The following FBXO25 variants were observed in gnomAD, a reference collection of about 807,000 sequenced individuals.
FBXO25 encodes F-box protein 25, also known as F-box only protein 25.
FBXO25 carries 45 observed loss-of-function variants against 51.9 expected under a neutral mutation model. That is an observed-to-expected ratio of 0.87 (90% CI 0.68 to 1.11). The LOEUF (loss-of-function observed/expected upper bound fraction) is 1.11, where lower values mean the gene tolerates loss of function less well. Ranked by LOEUF, FBXO25 falls within the 50% of genes most tolerant of loss-of-function variation. The pLI, the probability that FBXO25 is intolerant of heterozygous loss-of-function variation, is 0.00. For missense variants in FBXO25, 507 were observed against 428.5 expected (o/e 1.18, Z -1.62); for synonymous variants, 199 against 151.0 (o/e 1.32, Z -2.33).
intron 9 of FBXO25, among the ~76,000 whole-genome samples, chr8:465,412 A>G (rs1209082996): frequency 6.6e-6 from 1 of 152,196 alleles, no homozygotes; most frequent in Non-Finnish European, 1.5e-5. Context: ...TGATACTTTT[A>G]TAGGGAAAAT....
chr8:428,675 G>C (rs750322388), intron 2 of FBXO25, among the ~76,000 whole-genome samples: 17 of 152,086 alleles, frequency 1.1e-4, no homozygotes, highest in Non-Finnish European at 2.1e-4. Flanking sequence ...CTGAAACTCT[G>C]TCCCCATTAA....
rs879340184 is a variant in FBXO25, at chr8:413,406, C to CT, written c.134+204dup. Among the ~76,000 whole-genome samples the CT allele has an allele frequency of 9.7e-4, 142 of 146,294 alleles. 1 individual carries two copies. Among genetic ancestry groups the CT allele is most frequent in the African/African-American group, 2.4e-3 (98 of 40,138 alleles). On this transcript the variant is annotated intron_variant, in intron 2 of 9. Coordinates refer to ENST00000350302, the MANE Select transcript of FBXO25 (RefSeq NM_183420.2). The stretch of plus-strand genomic sequence containing the variant: ...AATATTCATACACAGATGCTTTCGT[C>CT]TTTTTTTTTTTAATTTAAAACATTT...
At chr8:415,830 G>A (rs1796764746) in intron 2 of FBXO25, among the ~76,000 whole-genome samples, 1 of 152,198 alleles carries the variant, frequency 6.6e-6, no homozygotes. Flanking sequence ...TACTGAAGAA[G>A]AGTGTCTAAA....
At chr8:460,692 TCA>T (rs1033140337) in intron 8 of FBXO25, among the ~76,000 whole-genome samples, 4 of 152,200 alleles carry the variant, frequency 2.6e-5, no homozygotes, top group African/African-American at 7.2e-5. Flanking sequence ...AACACTGGTG[TCA>T]CACACAGTCA....
chr8:429,023 A>G (rs1797660867), intron 2 of FBXO25, among the ~76,000 whole-genome samples: 1 of 152,158 alleles, frequency 6.6e-6, no homozygotes, highest in Non-Finnish European at 1.5e-5. Context: ...TATCTCTTTC[A>G]TTCTCTGCTT....
At chr8:431,466 T>C in intron 3 of FBXO25, 22 bp downstream of exon 3, 1 of 1,209,760 alleles carries the variant, frequency 8.3e-7, no homozygotes, top group East Asian at 2.5e-5. Flanking sequence ...CTCATTAATT[T>C]TATTTTACTT....
At chr8:456,645 G>C (rs1289557057) in intron 7 of FBXO25, among the ~76,000 whole-genome samples, 6 of 152,306 alleles carry the variant, frequency 3.9e-5, no homozygotes, top group African/African-American at 1.2e-4. Context: ...CACTAGTGCA[G>C]TCCATGAAAG....
rs566408041 is a variant in FBXO25 at position 455,123 on chromosome 8, AG to A, written c.661-3242del. On this transcript the variant is annotated intron_variant, in intron 7 of 9. Transcript: ENST00000350302. ...AGAAGGTATGGGAACTTCCGCATCC[AG>A]GGGCTAATAAAGTGTGTTATGCCAA... is the stretch of plus-strand genomic sequence containing the variant. Among the ~76,000 whole-genome samples the A allele has an allele frequency of 2.0e-3, 298 of 152,284 alleles. 2 individuals carry two copies. Among genetic ancestry groups the A allele is most frequent in the Admixed American group, 4.3e-3 (66 of 15,304 alleles).
At chr8:463,476 G>A (rs140166886) in intron 9 of FBXO25, among the ~76,000 whole-genome samples, 267 of 152,298 alleles carry the variant, frequency 1.8e-3, no homozygotes, top group South Asian at 7.7e-3. Context: ...GTTGAAGGCT[G>A]GAGTGTGACC....
In FBXO25 at chr8:468,947, G is replaced by C. The variant is rs553286404; in HGVS notation, c.*143G>C. ...TGGGAAGAACTGCCCTTCTGCAAAG[G>C]GGGGACTGCATGGTTGCATTTTCAT... is the stretch of plus-strand genomic sequence containing the variant. On this transcript the variant is annotated 3_prime_UTR_variant, in exon 10 of 10. Coordinates refer to ENST00000350302, the MANE Select transcript of FBXO25 (RefSeq NM_183420.2). The C allele has an allele frequency of 1.3e-3, 907 of 680,728 alleles. 10 individuals are homozygous for C. Among genetic ancestry groups the C allele is most frequent in the South Asian group, 6.4e-3 (317 of 49,686 alleles). The allele number at this position is 680,728 out of a possible 1,614,324, so 42.2% of individuals were successfully genotyped here.
intron 2 of FBXO25, among the ~76,000 whole-genome samples, chr8:413,660 C>T (rs879869140): frequency 9.2e-5 from 14 of 152,174 alleles, no homozygotes; most frequent in Non-Finnish European, 1.9e-4. Context: ...GCTCTGCCAT[C>T]CCAAGAGTGC....
At chr8:419,016 A>G (rs1242779438) in intron 2 of FBXO25, among the ~76,000 whole-genome samples, 2 of 152,192 alleles carry the variant, frequency 1.3e-5, no homozygotes, top group Non-Finnish European at 2.9e-5. Context: ...GTGAAAGAAA[A>G]AAAAGATGAA....
At chr8:433,117 G>A (rs536746134) in intron 4 of FBXO25, among the ~76,000 whole-genome samples, 182 bp downstream of exon 4, 1 of 152,144 alleles carries the variant, frequency 6.6e-6, no homozygotes, top group Non-Finnish European at 1.5e-5. Flanking sequence ...ATTTTCCATT[G>A]TGTGTGCTTG....
rs1345815359 is a variant in FBXO25, at chr8:421,411, GT to G, written c.134+8202del. On this transcript the variant is annotated intron_variant, in intron 2 of 9. Coordinates refer to ENST00000350302, the MANE Select transcript of FBXO25 (RefSeq NM_183420.2). ...CTTATCAGTAACTTTGGAAAACAGTGTTTTGACAGGATGCTGTAAGGCTAAA... is the reference window on the plus strand; with the variant it reads ...CTTATCAGTAACTTTGGAAAACAGTGTTTGACAGGATGCTGTAAGGCTAAA... Among the ~76,000 whole-genome samples, 3 of 152,316 alleles carry G rather than the reference GT, an allele frequency of 2.0e-5. No individual in the cohort carries two copies. The East Asian group carries it at 5.8e-4, about 29-fold the overall frequency.
rs938305992 is a variant in FBXO25 at position 468,898 on chromosome 8, G to T, written c.*94G>T. Reference sequence around the variant, plus strand: ...TCTGTGAGGTGGGTGGAGACTCCTCGGAAGCCCCTGCTTCCAGAAAGCCTG... The same window carrying T: ...TCTGTGAGGTGGGTGGAGACTCCTCTGAAGCCCCTGCTTCCAGAAAGCCTG... On this transcript the variant is annotated 3_prime_UTR_variant, in exon 10 of 10. Transcript: ENST00000350302. 3 of 1,158,156 alleles carry T rather than the reference G, an allele frequency of 2.6e-6. No individual in the cohort carries two copies. The South Asian group carries it at 4.6e-5, about 18-fold the overall frequency. 71.7% of individuals were successfully genotyped at this position (1,158,156 alleles called of 1,614,324 possible). A position where few individuals can be genotyped will look rare whatever the true frequency, so the allele number is the denominator to read the frequency against.
At chr8:463,392 G>C (rs1485222039) in intron 9 of FBXO25, among the ~76,000 whole-genome samples, 1 of 152,208 alleles carries the variant, frequency 6.6e-6, no homozygotes, top group Non-Finnish European at 1.5e-5. Flanking sequence ...ATGCAGGAGG[G>C]CGTTGCAGGC....
chr8:446,920 G>A (rs1798769505), intron 5 of FBXO25, among the ~76,000 whole-genome samples: 1 of 147,874 alleles, frequency 6.8e-6, no homozygotes. Flanking sequence ...GAATTGGAAG[G>A]AAGGGATGAA....
rs139007917 is a variant in FBXO25 at position 416,030 on chromosome 8, C to G, written c.134+2817C>G. On this transcript the variant is annotated intron_variant, in intron 2 of 9. Coordinates refer to ENST00000350302, the MANE Select transcript of FBXO25 (RefSeq NM_183420.2). ...GTAGTCAAACATAACGCATTCAGCT[C>G]AGTCTTGGCAGAGACTCCCATTGCT... Among the ~76,000 whole-genome samples, 101 of 152,304 alleles carry G rather than the reference C, an allele frequency of 6.6e-4. 1 individual carries two copies. The highest frequency in any genetic ancestry group is 2.2e-3 in the African/African-American group (92 of 41,560).
At chr8:455,543 G>C (rs143610099) in intron 7 of FBXO25, among the ~76,000 whole-genome samples, 33 of 152,296 alleles carry the variant, frequency 2.2e-4, no homozygotes, top group African/African-American at 7.0e-4. Context: ...GCTGGACCTC[G>C]ATCTTGGGCA....
Sources: gnomAD v4.1 joint callset for allele counts (sites outside exome capture counted in the v4.1 genomes callset) on GRCh38, gnomAD v4.1.1 for gene constraint, MANE v1.5 for transcripts, NCBI Gene and HGNC (gene_info 2026-07-23, HGNC 2026-07-21) for gene names.